Variants in MVB12B observed in about 807,000 individuals in gnomAD.
MVB12B encodes multivesicular body subunit 12B.
In MVB12B, 16 loss-of-function variants were observed where a neutral mutation model predicts 41.6. The observed-to-expected ratio is 0.38, with a 90% CI of 0.26 to 0.58. MVB12B has a LOEUF of 0.58. Among genes scored for constraint, MVB12B ranks in the 20% least tolerant of loss-of-function variants. The pLI is 0.62. For missense variants in MVB12B, 274 were observed against 380.2 expected, an observed-to-expected ratio of 0.72 and a Z score of 2.32; for synonymous variants, 133 against 139.7, an observed-to-expected ratio of 0.95 and a Z score of 0.34.
intron 2 of MVB12B, among the ~76,000 whole-genome samples, chr9:126,379,116 T>C (rs1830566764): frequency 6.6e-6 from 1 of 152,234 alleles, no homozygotes; most frequent in Non-Finnish European, 1.5e-5. Context: ...GTTTCTGTTT[T>C]TGAAAGTTTT....
chr9:126,356,281 C>T (rs968102545), intron 2 of MVB12B, among the ~76,000 whole-genome samples: 9 of 152,192 alleles, frequency 5.9e-5, no homozygotes, highest in South Asian at 2.1e-4. Flanking sequence ...TGAAGGGATT[C>T]GACATATTTG....
intron 7 of MVB12B, among the ~76,000 whole-genome samples, chr9:126,479,115 A>G (rs139124326): frequency 0.13 from 19,633 of 152,096 alleles, 1,787 homozygotes; most frequent in East Asian, 0.44. Context: ...GAGGACCATG[A>G]CAGGTGAAGA....
At chr9:126,446,334 A>T (rs1279143361) in intron 7 of MVB12B, among the ~76,000 whole-genome samples, 1 of 151,996 alleles carries the variant, frequency 6.6e-6, no homozygotes, top group African/African-American at 2.4e-5. Flanking sequence ...ATTCTTCTTT[A>T]AATATAGTAC....
intron 6 of MVB12B, among the ~76,000 whole-genome samples, chr9:126,418,353 C>CT (rs1020222281): frequency 6.6e-6 from 1 of 152,124 alleles, no homozygotes; most frequent in Non-Finnish European, 1.5e-5. Context: ...TGTTCATATA[C>CT]TTTTTTGTGG....
chr9:126,471,292 G>C (rs1385026325), intron 7 of MVB12B, among the ~76,000 whole-genome samples: 1 of 152,136 alleles, frequency 6.6e-6, no homozygotes, highest in African/African-American at 2.4e-5. Flanking sequence ...ATCTGACTCT[G>C]AGGTTAAGTG....
chr9:126,409,297 CTCTG>C (rs1831549785), intron 6 of MVB12B, among the ~76,000 whole-genome samples: 1 of 115,478 alleles, frequency 8.7e-6, no homozygotes, highest in East Asian at 2.7e-4. Context: ...TGGTGAGTAA[CTCTG>C]TGTGTGTGTG....
chr9:126,360,092 C>T (rs1055944896), intron 2 of MVB12B, among the ~76,000 whole-genome samples: 1 of 152,156 alleles, frequency 6.6e-6, no homozygotes, highest in Admixed American at 6.5e-5. Flanking sequence ...TCTGAATTAG[C>T]TGCATCCCTC....
At position 126,440,044 on chromosome 9, in the gene MVB12B, A is replaced by G. The variant is rs1346030227; in HGVS notation, c.757+18096A>G. Among the ~76,000 whole-genome samples the G allele has an allele frequency of 2.6e-5, 4 of 152,198 alleles. No individual in the cohort carries two copies. The East Asian group carries it at 7.7e-4, about 29-fold the overall frequency. ...ACTAAGCTTCTAAAACTAGTGGTAA[A>G]GACTCCCAGCCTGAACACAACAACT... On this transcript the variant is annotated intron_variant, in intron 7 of 9. Transcript: ENST00000361171.
intron 7 of MVB12B, among the ~76,000 whole-genome samples, chr9:126,462,904 TTTAAAGA>T (rs1225456347): frequency 2.0e-5 from 3 of 152,222 alleles, no homozygotes; most frequent in Non-Finnish European, 2.9e-5. Context: ...TGACATGCCC[TTTAAAGA>T]TTAATATTAG....
intron 7 of MVB12B, among the ~76,000 whole-genome samples, chr9:126,475,934 C>T (rs1833410183): frequency 6.6e-6 from 1 of 152,220 alleles, no homozygotes; most frequent in African/African-American, 2.4e-5. Flanking sequence ...GTCGTGAACT[C>T]TCAGACGGTG....
intron 7 of MVB12B, among the ~76,000 whole-genome samples, chr9:126,476,829 A>T (rs1482762867): frequency 1.4e-5 from 2 of 140,400 alleles, no homozygotes; most frequent in African/African-American, 2.7e-5. Flanking sequence ...GTGAGCCAAG[A>T]TTGCGCCACT....
At chr9:126,382,878 G>C (rs755350629) in intron 3 of MVB12B, among the ~76,000 whole-genome samples, 1 of 152,100 alleles carries the variant, frequency 6.6e-6, no homozygotes, top group Non-Finnish European at 1.5e-5. Context: ...GTGTATTAAA[G>C]AAAACACATT....
chr9:126,433,859 A>C (rs1004688992), intron 7 of MVB12B, among the ~76,000 whole-genome samples: 1 of 152,064 alleles, frequency 6.6e-6, no homozygotes, highest in African/African-American at 2.4e-5. Context: ...GCCGAGCTCA[A>C]GCATCTCTGA....
chr9:126,445,334 A>T (rs2041542), intron 7 of MVB12B, among the ~76,000 whole-genome samples: 151,345 of 152,330 alleles, frequency 0.99, 75,189 homozygotes, highest in East Asian at 1. Flanking sequence ...TGAGACAGGG[A>T]CTCACTCTGT....
chr9:126,481,506 G>A (rs544828602), intron 8 of MVB12B, 82 bp downstream of exon 8: 14 of 1,017,996 alleles, frequency 1.4e-5, no homozygotes, highest in Non-Finnish European at 2.0e-5. Flanking sequence ...CAGCACGCAG[G>A]GCTGTTCTGG....
intron 6 of MVB12B, among the ~76,000 whole-genome samples, chr9:126,410,974 A>G (rs968395714): frequency 7.0e-6 from 1 of 143,530 alleles, no homozygotes; most frequent in African/African-American, 2.6e-5. Flanking sequence ...TGCAGCCTCC[A>G]CCTCCCAGGT....
rs905435790 is a variant in MVB12B, at chr9:126,427,206, C to CAT, written c.757+5269_757+5270dup. Among the ~76,000 whole-genome samples the CAT allele has an allele frequency of 7.6e-3, 1,154 of 152,038 alleles. 9 individuals are homozygous for CAT. Among genetic ancestry groups the CAT allele is most frequent in the African/African-American group, 0.026 (1,066 of 41,478 alleles). ...CTAAGTTTGATAAGAACAGCTTATA[C>CAT]ATATATATATATCCATGTATTGGGG... On this transcript the variant is annotated intron_variant, in intron 7 of 9. Transcript: ENST00000361171.
chr9:126,454,247 C>T (rs1174017232), intron 7 of MVB12B, among the ~76,000 whole-genome samples: 3 of 152,142 alleles, frequency 2.0e-5, no homozygotes, highest in Admixed American at 6.5e-5. Context: ...ATGTGTTCAC[C>T]CTGCCCCTTG....
intron 2 of MVB12B, among the ~76,000 whole-genome samples, chr9:126,372,010 G>T (rs925346923): frequency 6.6e-6 from 1 of 152,112 alleles, no homozygotes; most frequent in African/African-American, 2.4e-5. Flanking sequence ...GCTAAAGAAC[G>T]CTCCACTCAT....
Sources: allele counts gnomAD v4.1 joint callset (sites outside exome capture counted in the v4.1 genomes callset), GRCh38; gene constraint gnomAD v4.1.1; transcripts MANE v1.5; gene names NCBI Gene and HGNC (gene_info 2026-07-23, HGNC 2026-07-21).